The following KCNIP4 variants were observed in gnomAD, a reference collection of about 807,000 sequenced individuals.
KCNIP4 encodes potassium voltage-gated channel interacting protein 4.
In KCNIP4, 12 loss-of-function variants were observed where a neutral mutation model predicts 34.0. That is an observed-to-expected ratio of 0.35 (90% CI 0.23 to 0.57). The LOEUF (loss-of-function observed/expected upper bound fraction) is 0.57. Ranked by LOEUF, KCNIP4 falls within the 20% of genes least tolerant of loss-of-function variation. The pLI is 0.83. For synonymous variants in KCNIP4, 124 were observed against 102.2 expected, an observed-to-expected ratio of 1.21 and a Z score of -1.29; for missense variants, 238 against 311.7, an observed-to-expected ratio of 0.76 and a Z score of 1.78.
intron 1 of KCNIP4, among the ~76,000 whole-genome samples, chr4:20,910,365 G>A (rs541360560): frequency 2.0e-4 from 31 of 151,990 alleles, no homozygotes; most frequent in African/African-American, 7.0e-4. Context: ...ACAGTACATG[G>A]CCAAGTACAA....
chr4:21,448,287 A>T (rs565651802), intron 1 of KCNIP4, among the ~76,000 whole-genome samples: 2 of 152,314 alleles, frequency 1.3e-5, no homozygotes, highest in South Asian at 4.1e-4. Flanking sequence ...ATATCTGTAT[A>T]TCATCATAAA....
intron 3 of KCNIP4, among the ~76,000 whole-genome samples, chr4:20,827,127 G>C (rs571334526): frequency 1.3e-5 from 2 of 152,280 alleles, no homozygotes; most frequent in East Asian, 3.9e-4. Flanking sequence ...GCATAGTGGA[G>C]TTCCCCTTCT....
At chr4:20,969,782 A>T (rs1158265211) in intron 1 of KCNIP4, among the ~76,000 whole-genome samples, 3 of 112,658 alleles carry the variant, frequency 2.7e-5, no homozygotes, top group Non-Finnish European at 5.2e-5. Context: ...TAATATAGGT[A>T]TTAATTTATG....
chr4:21,425,228 TAC>T (rs1725831406), intron 1 of KCNIP4, among the ~76,000 whole-genome samples: 1 of 152,180 alleles, frequency 6.6e-6, no homozygotes, highest in African/African-American at 2.4e-5. Context: ...AGGCATAAAA[TAC>T]TACCTAACTT....
chr4:21,385,473 T>A (rs1400108498), intron 1 of KCNIP4, among the ~76,000 whole-genome samples: 1 of 152,302 alleles, frequency 6.6e-6, no homozygotes, highest in East Asian at 1.9e-4. Context: ...TGTATTTGAA[T>A]CCTCTGTCTC....
chr4:21,725,018 G>A (rs1368578787), intron 1 of KCNIP4, among the ~76,000 whole-genome samples: 1 of 152,068 alleles, frequency 6.6e-6, no homozygotes, highest in Non-Finnish European at 1.5e-5. Flanking sequence ...AAGTTCCTGT[G>A]AGATGTCAAA....
At chr4:21,511,945 C>T (rs1460375854) in intron 1 of KCNIP4, among the ~76,000 whole-genome samples, 4 of 149,802 alleles carry the variant, frequency 2.7e-5, no homozygotes, top group African/African-American at 9.9e-5. Flanking sequence ...GGCTGATAGA[C>T]AGTCGATACA....
intron 1 of KCNIP4, among the ~76,000 whole-genome samples, chr4:21,919,487 A>G (rs1387084852): frequency 2.0e-5 from 3 of 152,216 alleles, no homozygotes; most frequent in Non-Finnish European, 4.4e-5. Flanking sequence ...AGACAGCCCA[A>G]TGGATGAACC....
intron 1 of KCNIP4, among the ~76,000 whole-genome samples, chr4:21,641,113 C>T (rs1746583706): frequency 6.6e-6 from 1 of 152,226 alleles, no homozygotes; most frequent in Non-Finnish European, 1.5e-5. Flanking sequence ...CTGTACACAA[C>T]AGCATTCCTT....
At chr4:20,807,102 C>T (rs1715197671) in intron 3 of KCNIP4, among the ~76,000 whole-genome samples, 1 of 152,068 alleles carries the variant, frequency 6.6e-6, no homozygotes, top group South Asian at 2.1e-4. Flanking sequence ...TGAGTTAATT[C>T]TCTCACCATT....
At chr4:21,471,260 C>T (rs1036666433) in intron 1 of KCNIP4, among the ~76,000 whole-genome samples, 1 of 152,102 alleles carries the variant, frequency 6.6e-6, no homozygotes, top group African/African-American at 2.4e-5. Flanking sequence ...CTGAAAAATG[C>T]TTCCTTCCTC....
chr4:21,526,832 T>C lies in KCNIP4; in HGVS notation c.61+421739A>G, dbSNP rs1348026934. ...GAGCACTCCAGGTTGTCTATGCTTC[T>C]ACTCATTGAAACAACTCACTCCTCC... On this transcript the variant is annotated intron_variant, in intron 1 of 8. Transcript: ENST00000382152. 2.0e-5 allele frequency among the ~76,000 whole-genome samples: 3 copies of C among 152,202 alleles called. 1 individual carries two copies. Among genetic ancestry groups the C allele is most frequent in the African/African-American group, 7.2e-5 (3 of 41,454 alleles).
intron 1 of KCNIP4, among the ~76,000 whole-genome samples, chr4:21,086,165 CT>C (rs1746412696): frequency 6.6e-6 from 1 of 152,122 alleles, no homozygotes; most frequent in Non-Finnish European, 1.5e-5. Flanking sequence ...CCTACCACCC[CT>C]GGAGTGCCTA....
At chr4:21,215,719 G>A (rs1757504039) in intron 1 of KCNIP4, among the ~76,000 whole-genome samples, 1 of 152,138 alleles carries the variant, frequency 6.6e-6, no homozygotes, top group African/African-American at 2.4e-5. Flanking sequence ...CTTTCCTTGA[G>A]GAATCACATT....
intron 1 of KCNIP4, among the ~76,000 whole-genome samples, chr4:21,754,357 G>C (rs1717366412): frequency 3.3e-5 from 5 of 152,092 alleles, no homozygotes. Flanking sequence ...TTTTCTGTGT[G>C]TTTTTCCTTG....
intron 1 of KCNIP4, among the ~76,000 whole-genome samples, chr4:21,296,176 G>T (rs561170662): frequency 2.6e-5 from 4 of 152,188 alleles, no homozygotes; most frequent in East Asian, 3.9e-4. Flanking sequence ...GAAATGAATT[G>T]TTCTTTGATT....
At chr4:21,057,515 G>A (rs1743523471) in intron 1 of KCNIP4, among the ~76,000 whole-genome samples, 1 of 151,976 alleles carries the variant, frequency 6.6e-6, no homozygotes, top group African/African-American at 2.4e-5. Flanking sequence ...CCCAATGAGT[G>A]AATACGGACT....
chr4:21,075,554 C>G (rs139064782), intron 1 of KCNIP4, among the ~76,000 whole-genome samples: 24,888 of 151,994 alleles, frequency 0.16, 2,089 homozygotes, highest in African/African-American at 0.19. Context: ...AGATGGGTCT[C>G]CTGAATATAG....
chr4:21,128,074 T>A (rs1228123118), intron 1 of KCNIP4, among the ~76,000 whole-genome samples: 1 of 152,230 alleles, frequency 6.6e-6, no homozygotes, highest in African/African-American at 2.4e-5. Context: ...AACATTGACC[T>A]TCAAGTGCTT....
Sources: gnomAD v4.1 joint callset for allele counts (sites outside exome capture counted in the v4.1 genomes callset) on GRCh38, gnomAD v4.1.1 for gene constraint, MANE v1.5 for transcripts, NCBI Gene and HGNC (gene_info 2026-07-23, HGNC 2026-07-21) for gene names.